The following ARHGAP11A variants were observed in gnomAD, a reference collection of about 807,000 sequenced individuals.
ARHGAP11A encodes the protein Rho GTPase activating protein 11A, also known as rho GTPase-activating protein 11A.
In ARHGAP11A, 36 loss-of-function variants were observed where a neutral mutation model predicts 60.5. The ratio of observed to expected loss-of-function variants is 0.59; its 90% CI spans 0.46 to 0.79. The LOEUF is 0.79. Ranked by LOEUF, ARHGAP11A falls within the 30% of genes least tolerant of loss-of-function variation. ARHGAP11A has a pLI of 0.00. For synonymous variants in ARHGAP11A, 362 were observed against 415.5 expected (o/e 0.87, Z 1.57); for missense variants, 1,071 against 1,199.2 (o/e 0.89, Z 1.58).
rs192621782 is a variant in ARHGAP11A, at chr15:32,628,844, A to G, written c.937+42A>G. 1.3e-4 allele frequency: 169 copies of G among 1,331,194 alleles called. No individual in the cohort carries two copies. The East Asian group carries it at 3.5e-3, about 28-fold the overall frequency. 82.5% of individuals were successfully genotyped at this position (1,331,194 alleles called of 1,614,324 possible). On this transcript the variant is annotated intron_variant, in intron 7 of 11. Coordinates refer to ENST00000361627, the MANE Select transcript of ARHGAP11A (RefSeq NM_014783.6). ...TGCATTTATTTAAATTAAAATTTGT[A>G]TAGTATTCTATAAAATACAATTACA...
intron 8 of ARHGAP11A, among the ~76,000 whole-genome samples, chr15:32,631,997 G>C (rs1353418765): frequency 6.6e-6 from 1 of 152,142 alleles, no homozygotes; most frequent in Non-Finnish European, 1.5e-5. Context: ...AAAGTGACTA[G>C]ACTGCAGCCC....
chr15:32,620,594 T>C (rs2053272672), intron 2 of ARHGAP11A, among the ~76,000 whole-genome samples: 1 of 151,924 alleles, frequency 6.6e-6, no homozygotes, highest in Admixed American at 6.6e-5. Flanking sequence ...ATTTATAATT[T>C]GTACTCATTC....
In ARHGAP11A at chr15:32,623,588, G is replaced by A. The variant is rs749725742; in HGVS notation, c.297G>A (p.Lys99=). The A allele has an allele frequency of 6.2e-7, 1 of 1,610,948 alleles. No homozygotes were observed. The highest frequency in any genetic ancestry group is 2.2e-5 in the East Asian group (1 of 44,838). The change falls in exon 3 of 12, where the codon AAG becomes AAA. Residue 99 remains lysine, a splice_region_variant and synonymous_variant. Transcript: ENST00000361627. Reference sequence around the variant, plus strand: ...CTGTGATTCGCCTAAAAGCACTAAAGGTGAGCATATTGTTGAACTATTAAT... The same window carrying A: ...CTGTGATTCGCCTAAAAGCACTAAAAGTGAGCATATTGTTGAACTATTAAT... The part of the protein sequence containing the change: ...SGSVIRLKAL[K]NKVDHGEGCL...
At chr15:32,622,193 G>A (rs1209507404) in intron 2 of ARHGAP11A, among the ~76,000 whole-genome samples, 2 of 152,306 alleles carry the variant, frequency 1.3e-5, no homozygotes, top group Non-Finnish European at 2.9e-5. Flanking sequence ...CCCAGGTGGT[G>A]GATTGCTTGA....
Position 32,615,860 on chromosome 15 carries a change from A to G in ARHGAP11A, c.-352A>G. 3.5e-6 allele frequency: 1 copy of G among 288,834 alleles called. No individual in the cohort carries two copies. Among genetic ancestry groups the G allele is most frequent in the Non-Finnish European group, 6.5e-6 (1 of 153,550 alleles). The allele number at this position is 288,834 out of a possible 1,614,324, so 17.9% of individuals were successfully genotyped here. On this transcript the variant is annotated 5_prime_UTR_variant, in exon 1 of 12. Transcript: ENST00000361627. ...AGGAAGGGGGATCGTTGGAAGTAGC[A>G]AGAAGTGGAGAGAATCTGGCAATAG...
At position 32,615,894 on chromosome 15, in the gene ARHGAP11A, C is replaced by T; in HGVS notation, c.-318C>T. ...AGAGAATCTGGCAATAGACGAGAAA[C>T]CGAAAGAATCAGAAAGAAGTCTATG... On this transcript the variant is annotated 5_prime_UTR_variant, in exon 1 of 12. Transcript: ENST00000361627. 1 of 373,346 alleles carries T rather than the reference C, an allele frequency of 2.7e-6. No homozygotes were observed. The allele number at this position is 373,346 out of a possible 1,614,324, so 23.1% of individuals were successfully genotyped here.
Position 32,636,417 on chromosome 15 carries a change from C to T in ARHGAP11A, c.1644C>T (p.Asn548=), listed in dbSNP as rs776223285. Residue 548 remains asparagine (N), a synonymous_variant, in exon 12 of 12, where the codon AAC becomes AAT. Coordinates refer to ENST00000361627, the MANE Select transcript of ARHGAP11A (RefSeq NM_014783.6). ...SSMVENLEVE[N]SLEPDIMVEK... ...TGGTGGAAAATCTTGAGGTAGAAAACTCTTTGGAGCCTGATATTATGGTAG... is the reference window on the plus strand; with the variant it reads ...TGGTGGAAAATCTTGAGGTAGAAAATTCTTTGGAGCCTGATATTATGGTAG... 7.4e-6 allele frequency: 12 copies of T among 1,614,040 alleles called. No homozygotes were observed. The highest frequency in any genetic ancestry group is 9.3e-6 in the Non-Finnish European group (11 of 1,179,954).
At position 32,616,248 on chromosome 15, in the gene ARHGAP11A, C is replaced by G; in HGVS notation, c.37C>G (p.Gln13Glu). The change falls in exon 1 of 12, where the codon CAG becomes GAG. Residue 13 changes from glutamine to glutamate, a missense_variant. Physicochemically the swap from Gln to Glu is conservative, Grantham distance 29 (BLOSUM62 2). Around this residue, in one of 4 missense-constraint regions of ARHGAP11A, gnomAD observed 28 missense variants for 24.5 expected, o/e 1.14. Coordinates refer to ENST00000361627, the MANE Select transcript of ARHGAP11A (RefSeq NM_014783.6). ...GAGGCTGGTGAGGTTGGCCCTGTTGCAGCATCTGCGGGCCTTCTATGGTAT... is the reference window on the plus strand; with the variant it reads ...GAGGCTGGTGAGGTTGGCCCTGTTGGAGCATCTGCGGGCCTTCTATGGTAT... Reference protein sequence around the residue: ...DQRLVRLALLQHLRAFYGIKV... With the variant: ...DQRLVRLALLEHLRAFYGIKV... 2.5e-6 allele frequency: 4 copies of G among 1,614,140 alleles called. No homozygotes were observed. The highest frequency in any genetic ancestry group is 3.4e-6 in the Non-Finnish European group (4 of 1,180,044).
chr15:32,635,795 A>G lies in ARHGAP11A; in HGVS notation c.1363A>G (p.Asn455Asp). 6.2e-7 allele frequency: 1 copy of G among 1,608,432 alleles called. No individual in the cohort carries two copies. ...GREVNGCSGV[N>D]RYESVGWRLA... ...TGTACAGAATGGATGTTCTGGTGTCAATAGATATGAAAGTGTTGGTTGGCG... is the reference window on the plus strand; with the variant it reads ...TGTACAGAATGGATGTTCTGGTGTCGATAGATATGAAAGTGTTGGTTGGCG... The change falls in exon 11 of 12, where the codon AAT becomes GAT. Residue 455 changes from asparagine to aspartate, a missense_variant. By Grantham distance (23) the Asn-to-Asp change is conservative. Around this residue, in one of 4 missense-constraint regions of ARHGAP11A, gnomAD observed 776 missense variants for 760.2 expected, o/e 1.02. Transcript: ENST00000361627.
At position 32,636,577 on chromosome 15, in the gene ARHGAP11A, G is replaced by C. The variant is rs767680198; in HGVS notation, c.1804G>C (p.Ala602Pro). ...AGAGACTTTGGTGAAAGTTCAAAAA[G>C]CGTTTTCTGAATCTGGAAGTAATCT... ...TKETLVKVQKAFSESGSNLHA... is the reference protein window; with the variant it reads ...TKETLVKVQKPFSESGSNLHA... Residue 602 changes from alanine (A) to proline (P), a missense_variant, in exon 12 of 12, where the codon GCG becomes CCG. By Grantham distance (27) the Ala-to-Pro change is conservative. Transcript: ENST00000361627. 1 of 1,614,098 alleles carries C rather than the reference G, an allele frequency of 6.2e-7. No individual in the cohort carries two copies. Among genetic ancestry groups the C allele is most frequent in the South Asian group, 1.1e-5 (1 of 91,074 alleles).
In ARHGAP11A at chr15:32,625,470, T is replaced by G; in HGVS notation, c.716-17T>G. 1 of 1,612,854 alleles carries G rather than the reference T, an allele frequency of 6.2e-7. No homozygotes were observed. The highest frequency in any genetic ancestry group is 8.5e-7 in the Non-Finnish European group (1 of 1,179,598). ...GGAAGGATAATAATTGTCTTACTTG[T>G]GAACATTTTCATTTAGGGCGTGTAC... On this transcript the variant is annotated splice_polypyrimidine_tract_variant and intron_variant, in intron 5 of 11. Coordinates refer to ENST00000361627, the MANE Select transcript of ARHGAP11A (RefSeq NM_014783.6).
Position 32,637,001 on chromosome 15 carries a change from T to C in ARHGAP11A, c.2228T>C (p.Met743Thr). 5.0e-6 allele frequency: 8 copies of C among 1,611,670 alleles called. No individual in the cohort carries two copies. Among genetic ancestry groups the C allele is most frequent in the African/African-American group, 1.3e-5 (1 of 74,860 alleles). The change falls in exon 12 of 12, where the codon ATG (methionine) becomes ACG (threonine). Residue 743 changes from methionine (M) to threonine (T), a missense_variant. Met to Thr is a moderately conservative substitution (Grantham distance 81). Coordinates refer to ENST00000361627, the MANE Select transcript of ARHGAP11A (RefSeq NM_014783.6). The part of the protein sequence containing the change: ...LNNKLKENEN[M>T]MEGNLPKCAA... The stretch of plus-strand genomic sequence containing the variant: ...AATAAATTAAAAGAGAATGAGAATA[T>C]GATGGAAGGTAACTTACCGAAGTGT...
Position 32,637,005 on chromosome 15 carries a change from G to A in ARHGAP11A, c.2232G>A (p.Met744Ile). The change falls in exon 12 of 12, where the codon ATG becomes ATA. Residue 744 changes from methionine to isoleucine, a missense_variant. Physicochemically the swap from Met to Ile is conservative, Grantham distance 10. Coordinates refer to ENST00000361627, the MANE Select transcript of ARHGAP11A (RefSeq NM_014783.6). ...NNKLKENENM[M>I]EGNLPKCAAH... ...AATTAAAAGAGAATGAGAATATGAT[G>A]GAAGGTAACTTACCGAAGTGTGCAG... is the stretch of plus-strand genomic sequence containing the variant. The A allele has an allele frequency of 6.2e-7, 1 of 1,611,856 alleles. No homozygotes were observed. Among genetic ancestry groups the A allele is most frequent in the Non-Finnish European group, 8.5e-7 (1 of 1,179,478 alleles).
intron 9 of ARHGAP11A, 66 bp downstream of exon 9, chr15:32,633,174 G>C: frequency 6.5e-7 from 1 of 1,548,906 alleles, no homozygotes; most frequent in Non-Finnish European, 8.8e-7. Flanking sequence ...TTAATAAAAT[G>C]TTTTGTCTTT....
rs985608484 is a variant in ARHGAP11A, at chr15:32,637,923, T to G, written c.*78T>G. 10 of 1,240,528 alleles carry G rather than the reference T, an allele frequency of 8.1e-6. No homozygotes were observed. Among genetic ancestry groups the G allele is most frequent in the African/African-American group, 3.0e-5 (2 of 65,640 alleles). The allele number at this position is 1,240,528 out of a possible 1,614,324, so 76.8% of individuals were successfully genotyped here. A position where few individuals can be genotyped will look rare whatever the true frequency, so the allele number is the denominator to read the frequency against. On this transcript the variant is annotated 3_prime_UTR_variant, in exon 12 of 12. Transcript: ENST00000361627. ...ACTTGCAGGATGATGTACATGTTAG[T>G]TTGTAGCTCAGGATGATTGTTAAGC...
At chr15:32,617,382 GCT>G (rs2053178453) in intron 1 of ARHGAP11A, among the ~76,000 whole-genome samples, 1 of 150,344 alleles carries the variant, frequency 6.7e-6, no homozygotes, top group Non-Finnish European at 1.5e-5. Flanking sequence ...TGTAAAACTG[GCT>G]TTCCAAGATC....
rs1196404097 is a variant in ARHGAP11A at position 32,637,555 on chromosome 15, T to G, written c.2782T>G (p.Phe928Val). The change falls in exon 12 of 12, where the codon TTC (phenylalanine) becomes GTC (valine). Residue 928 changes from phenylalanine to valine, a missense_variant. Coordinates refer to ENST00000361627, the MANE Select transcript of ARHGAP11A (RefSeq NM_014783.6). ...KSSMELPSKS[F>V]LKMRKHPDSV... The stretch of plus-strand genomic sequence containing the variant: ...AAGCATGGAGTTACCCTCGAAATCT[T>G]TCTTAAAGATGAGGAAGCACCCAGA... 1 of 1,614,150 alleles carries G rather than the reference T, an allele frequency of 6.2e-7. No individual in the cohort carries two copies. The highest frequency in any genetic ancestry group is 1.7e-5 in the Admixed American group (1 of 60,024).
At chr15:32,623,979 A>G (rs1033103671) in intron 3 of ARHGAP11A, among the ~76,000 whole-genome samples, 194 bp from the exon 4 acceptor site, 29 of 152,086 alleles carry the variant, frequency 1.9e-4, no homozygotes, top group Non-Finnish European at 3.8e-4. Context: ...CCCAGGCCAC[A>G]TAGTCTGTGC....
At chr15:32,622,867 G>A (rs2053370605) in intron 2 of ARHGAP11A, among the ~76,000 whole-genome samples, 1 of 152,222 alleles carries the variant, frequency 6.6e-6, no homozygotes, top group Non-Finnish European at 1.5e-5. Context: ...AGAGATAGTA[G>A]ATAAAAGAAG....
Sources: gnomAD v4.1 joint callset for allele counts (sites outside exome capture counted in the v4.1 genomes callset) on GRCh38, gnomAD v4.1.1 for gene constraint, gnomAD v4.1.1 regional missense constraint, MANE v1.5 for transcripts, NCBI Gene and HGNC (gene_info 2026-07-23, HGNC 2026-07-21) for gene names.